Variants in ADGB observed in about 807,000 individuals in gnomAD.
ADGB encodes the protein calpain-7-like protein.
Under a neutral mutation model 210.5 loss-of-function variants are expected in ADGB, and 172 were observed. The ratio of observed to expected loss-of-function variants is 0.82; its 90% CI spans 0.72 to 0.93. ADGB has a LOEUF of 0.93. Ranked by LOEUF, ADGB falls within the 40% of genes least tolerant of loss-of-function variation. The pLI, the probability that ADGB is intolerant of heterozygous loss-of-function variation, is 0.00. For missense variants in ADGB, 2,025 were observed against 1,964.8 expected (o/e 1.03, Z -0.58); for synonymous variants, 658 against 662.7 (o/e 0.99, Z 0.11).
intron 26 of ADGB, among the ~76,000 whole-genome samples, chr6:146,748,727 C>T (rs1583620652): frequency 6.6e-6 from 1 of 152,082 alleles, no homozygotes; most frequent in African/African-American, 2.4e-5. Flanking sequence ...GGGCACATGC[C>T]ACCATGCCCA....
intron 7 of ADGB, among the ~76,000 whole-genome samples, chr6:146,668,716 A>C: frequency 6.6e-6 from 1 of 152,114 alleles, no homozygotes; most frequent in African/African-American, 2.4e-5. Context: ...AAATCATCAG[A>C]ATTCTACCAG....
At chr6:146,725,204 G>A (rs1776875813) in intron 18 of ADGB, 1 of 152,128 alleles carries the variant, frequency 6.6e-6, no homozygotes. Context: ...CCAAGGACAA[G>A]GAATTTAATA....
At chr6:146,664,163 C>T (rs532939949) in intron 5 of ADGB, 38 bp from the exon 6 acceptor site, 5 of 1,509,314 alleles carry the variant, frequency 3.3e-6, no homozygotes, top group African/African-American at 2.8e-5. Flanking sequence ...AGACTGTAAG[C>T]CATTGATGGT....
chr6:146,742,815 A>G (rs916609272), intron 25 of ADGB, among the ~76,000 whole-genome samples: 1 of 152,196 alleles, frequency 6.6e-6, no homozygotes, highest in Non-Finnish European at 1.5e-5. Context: ...CGTGCTGCCC[A>G]GGGTGACTTT....
At chr6:146,622,920 A>G (rs9497581) in intron 1 of ADGB, among the ~76,000 whole-genome samples, 28,879 of 151,938 alleles carry the variant, frequency 0.19, 2,947 homozygotes, top group East Asian at 0.24. Context: ...TATTTTGCAT[A>G]TGGATATTCA....
At chr6:146,664,033 C>A (rs969979519) in intron 5 of ADGB, among the ~76,000 whole-genome samples, 168 bp from the exon 6 acceptor site, 8 of 152,036 alleles carry the variant, frequency 5.3e-5, no homozygotes, top group African/African-American at 1.7e-4. Context: ...AATAAGCTAA[C>A]ATATTCAACC....
In ADGB at chr6:146,801,951, T is replaced by A; in HGVS notation, c.4758T>A (p.Ile1586=). 2.6e-6 allele frequency: 4 copies of A among 1,550,702 alleles called. No homozygotes were observed. The South Asian group carries it at 4.8e-5, about 19-fold the overall frequency. Residue 1586 remains isoleucine (I), a synonymous_variant, in exon 35 of 36, where the codon ATT becomes ATA. Coordinates refer to ENST00000397944, the MANE Select transcript of ADGB (RefSeq NM_024694.4). ...CCAGAGTCCTTAGCATTCGAAACAT[T>A]GACCAAGAAGAGCGGTTGAAGTTAA... is the stretch of plus-strand genomic sequence containing the variant. ...HRTRVLSIRN[I]DQEERLKLKD... is the part of the protein sequence containing the mutation.
Position 146,627,421 on chromosome 6 carries a change from C to T in ADGB, c.75-7954C>T, listed in dbSNP as rs150873956. Reference sequence around the variant, plus strand: ...TATTCTTGAGTTTTGTGCTAGGGTACGTTTAGTTGCTTAGAAACAGTCTGA... The same window carrying T: ...TATTCTTGAGTTTTGTGCTAGGGTATGTTTAGTTGCTTAGAAACAGTCTGA... On this transcript the variant is annotated intron_variant, in intron 1 of 35. Transcript: ENST00000397944. Among the ~76,000 whole-genome samples the T allele has an allele frequency of 1.8e-4, 27 of 152,064 alleles. No individual in the cohort carries two copies. The East Asian group carries it at 4.2e-3, about 24-fold the overall frequency.
intron 1 of ADGB, among the ~76,000 whole-genome samples, chr6:146,627,891 T>G (rs935380908): frequency 6.6e-6 from 1 of 152,146 alleles, no homozygotes; most frequent in Non-Finnish European, 1.5e-5. Context: ...CCATATGTTG[T>G]GGTCGTTAAA....
At chr6:146,706,957 G>A (rs1405289538) in intron 13 of ADGB, among the ~76,000 whole-genome samples, 1 of 149,744 alleles carries the variant, frequency 6.7e-6, no homozygotes, top group Non-Finnish European at 1.5e-5. Context: ...GTTCCCTGAG[G>A]TGTAACATTA....
rs114073188 is a variant in ADGB at position 146,632,287 on chromosome 6, A to G, written c.75-3088A>G. ...CCTCGGCTTGTGGCCACTTTTGTCTATCTTCCAAACCCAGCAATTTTCCCT... is the reference window on the plus strand; with the variant it reads ...CCTCGGCTTGTGGCCACTTTTGTCTGTCTTCCAAACCCAGCAATTTTCCCT... On this transcript the variant is annotated intron_variant, in intron 1 of 35. Coordinates refer to ENST00000397944, the MANE Select transcript of ADGB (RefSeq NM_024694.4). 9.1e-3 allele frequency among the ~76,000 whole-genome samples: 1,387 copies of G among 152,136 alleles called. 14 individuals are homozygous for G. Among genetic ancestry groups the G allele is most frequent in the African/African-American group, 0.031 (1,297 of 41,512 alleles).
intron 1 of ADGB, among the ~76,000 whole-genome samples, chr6:146,621,380 A>G (rs1780891972): frequency 6.6e-6 from 1 of 152,112 alleles, no homozygotes; most frequent in Non-Finnish European, 1.5e-5. Context: ...CATCACAGGT[A>G]GTTCAGCTTT....
At chr6:146,699,886 G>A (rs1439316735) in intron 12 of ADGB, among the ~76,000 whole-genome samples, 1 of 152,066 alleles carries the variant, frequency 6.6e-6, no homozygotes, top group Non-Finnish European at 1.5e-5. Context: ...AATTCCCTGA[G>A]TTACTTACTT....
chr6:146,710,056 A>G (rs1187687315), intron 13 of ADGB, among the ~76,000 whole-genome samples: 2 of 151,526 alleles, frequency 1.3e-5, no homozygotes, highest in African/African-American at 2.4e-5. Context: ...ATGTGGTTGA[A>G]TTTATTTATA....
chr6:146,793,256 T>G (rs944682181), intron 33 of ADGB, among the ~76,000 whole-genome samples: 8 of 151,252 alleles, frequency 5.3e-5, no homozygotes, highest in Non-Finnish European at 1.0e-4. Flanking sequence ...CTGATTGTTG[T>G]GTTTTACAGA....
At chr6:146,693,161 T>C (rs536449423) in intron 12 of ADGB, among the ~76,000 whole-genome samples, 1 of 152,334 alleles carries the variant, frequency 6.6e-6, no homozygotes, top group Admixed American at 6.5e-5. Flanking sequence ...AATGTTTGTA[T>C]GCCCACCAAA....
intron 1 of ADGB, among the ~76,000 whole-genome samples, chr6:146,620,476 C>A (rs948330354): frequency 1.2e-4 from 18 of 151,278 alleles, no homozygotes; most frequent in African/African-American, 4.4e-4. Flanking sequence ...CACTTTTATT[C>A]TTTTTTTTTC....
Position 146,717,059 on chromosome 6 carries a change from G to A in ADGB, c.1918G>A (p.Val640Ile). The A allele has an allele frequency of 6.4e-7, 1 of 1,550,830 alleles. No individual in the cohort carries two copies. The highest frequency in any genetic ancestry group is 2.0e-5 in the Admixed American group (1 of 50,982). ...EIWLDFEDFC[V>I]CFQNIYIFHK... is the part of the protein sequence containing the mutation. ...ATGGTTAGATTTTGAAGATTTCTGT[G>A]TATGCTTTCAGTAAGTATACCAATG... The change falls in exon 15 of 36, where the codon GTA becomes ATA. Residue 640 changes from valine to isoleucine, a missense_variant. Val to Ile is a conservative substitution (Grantham distance 29, BLOSUM62 3). Transcript: ENST00000397944.
intron 7 of ADGB, among the ~76,000 whole-genome samples, chr6:146,668,106 A>G (rs1271364861): frequency 6.6e-6 from 1 of 152,144 alleles, no homozygotes; most frequent in African/African-American, 2.4e-5. Flanking sequence ...TTAATACATA[A>G]GGAATATAGA....
Sources: gnomAD v4.1 joint callset for allele counts (sites outside exome capture counted in the v4.1 genomes callset) on GRCh38, gnomAD v4.1.1 for gene constraint, MANE v1.5 for transcripts, NCBI Gene and HGNC (gene_info 2026-07-23, HGNC 2026-07-21) for gene names.